The following WDR82 variants were observed in gnomAD, a reference collection of about 807,000 sequenced individuals.
The protein encoded by WDR82 is WD repeat domain 82, also known as WD repeat-containing protein 82.
A neutral mutation model predicts 36.1 loss-of-function variants in WDR82; 8 were observed. That is an observed-to-expected ratio of 0.22 (90% confidence interval 0.13 to 0.40). The LOEUF (loss-of-function observed/expected upper bound fraction) is 0.40. Ranked by LOEUF, WDR82 falls within the 10% of genes least tolerant of loss-of-function variation. The pLI, the probability that WDR82 is intolerant of heterozygous loss-of-function variation, is 1.00. For missense variants in WDR82, 185 were observed against 400.5 expected (o/e 0.46, Z 4.59); for synonymous variants, 129 against 137.8 (o/e 0.94, Z 0.45).
rs1272321658 is a variant in WDR82 at position 52,278,399 on chromosome 3, G to C, written c.-38C>G. On this transcript the variant is annotated 5_prime_UTR_variant, in exon 1 of 9. Coordinates refer to ENST00000296490, the MANE Select transcript of WDR82 (RefSeq NM_025222.4). ...GGAAGGCAGCGGCGGCGCAGGGCCG[G>C]GGCGGGGCCCGGCGGCGAGCGGGCG... 1.7e-5 allele frequency: 22 copies of C among 1,333,336 alleles called. No individual in the cohort carries two copies. Among genetic ancestry groups the C allele is most frequent in the Non-Finnish European group, 2.1e-5 (22 of 1,036,736 alleles). The allele number at this position is 1,333,336 out of a possible 1,614,324, so 82.6% of individuals were successfully genotyped here.
intron 1 of WDR82, among the ~76,000 whole-genome samples, chr3:52,277,708 G>A (rs1313792960): frequency 1.3e-5 from 2 of 152,252 alleles, no homozygotes; most frequent in African/African-American, 4.8e-5. Flanking sequence ...AAAGGCCGCG[G>A]GAAGCTGAGG....
Position 52,259,776 on chromosome 3 carries a change from T to G in WDR82, c.640A>C (p.Asn214His), listed in dbSNP as rs752298561. Reference protein sequence around the residue: ...NDGKLILISTNGSFIRLIDAF... With the variant: ...NDGKLILISTHGSFIRLIDAF... The stretch of plus-strand genomic sequence containing the variant: ...TCAATCAGACGAATGAAGCTGCCGT[T>G]GGTGGAAATGAGGATGAGCTTGCCA... Residue 214 changes from asparagine (N) to histidine (H), a missense_variant, in exon 6 of 9, where the codon AAC (asparagine) becomes CAC (histidine). Physicochemically the swap from Asn to His is moderately conservative, Grantham distance 68. This residue lies in a region of WDR82 where 110 missense variants were observed against 212.6 expected (regional missense o/e 0.52). Coordinates refer to ENST00000296490, the MANE Select transcript of WDR82 (RefSeq NM_025222.4). 6.2e-6 allele frequency: 10 copies of G among 1,614,162 alleles called. No individual in the cohort carries two copies. The highest frequency in any genetic ancestry group is 8.5e-6 in the Non-Finnish European group (10 of 1,180,002).
In WDR82 at chr3:52,257,337, T is replaced by C. The variant is rs2107328750; in HGVS notation, c.*153A>G. 1.0e-6 allele frequency: 1 copy of C among 998,998 alleles called. No individual in the cohort carries two copies. Among genetic ancestry groups the C allele is most frequent in the East Asian group, 2.5e-5 (1 of 40,212 alleles). 61.9% of individuals were successfully genotyped at this position (998,998 alleles called of 1,614,324 possible). A position where few individuals can be genotyped will look rare whatever the true frequency, so the allele number is the denominator to read the frequency against. On this transcript the variant is annotated 3_prime_UTR_variant, in exon 9 of 9. Transcript: ENST00000296490. ...GCTCATCAAAGTAATTATTTTCTTT[T>C]GAGCAGATGTACAGCACATCCATGG...
At chr3:52,276,266 T>C (rs905336051) in intron 1 of WDR82, among the ~76,000 whole-genome samples, 12 of 152,072 alleles carry the variant, frequency 7.9e-5, no homozygotes, top group Non-Finnish European at 1.3e-4. Context: ...AAACCCCATC[T>C]CTACTAAAAA....
In WDR82 at chr3:52,275,664, T is replaced by A. The variant is rs149384376; in HGVS notation, c.161+2537A>T. ...ACTTTGGGAGGCTGAGGCGGGTAGA[T>A]CACGAGATCAGGAGTTCAAGACCAG... is the stretch of plus-strand genomic sequence containing the variant. On this transcript the variant is annotated intron_variant, in intron 1 of 8. Coordinates refer to ENST00000296490, the MANE Select transcript of WDR82 (RefSeq NM_025222.4). Among the ~76,000 whole-genome samples the A allele has an allele frequency of 2.1e-3, 314 of 152,254 alleles. 2 individuals are homozygous for A. Among genetic ancestry groups the A allele is most frequent in the Non-Finnish European group, 4.0e-3 (271 of 68,016 alleles).
chr3:52,275,584 T>C (rs1208522552), intron 1 of WDR82, among the ~76,000 whole-genome samples: 1 of 152,048 alleles, frequency 6.6e-6, no homozygotes, highest in African/African-American at 2.4e-5. Context: ...AATGTCTTTG[T>C]GCTTAGAAAA....
chr3:52,263,762 G>T (rs1700081272), intron 3 of WDR82, among the ~76,000 whole-genome samples: 1 of 152,228 alleles, frequency 6.6e-6, no homozygotes, highest in Non-Finnish European at 1.5e-5. Context: ...ATATGAGGAA[G>T]ACAGAGAGAA....
intron 1 of WDR82, 51 bp downstream of exon 1, chr3:52,278,150 C>A: frequency 1.3e-6 from 2 of 1,510,644 alleles, no homozygotes; most frequent in Non-Finnish European, 8.9e-7. Flanking sequence ...CTGTGCTGGG[C>A]CACCGGAGGG....
chr3:52,263,257 C>T (rs1700076995), intron 3 of WDR82, among the ~76,000 whole-genome samples: 1 of 152,140 alleles, frequency 6.6e-6, no homozygotes, highest in African/African-American at 2.4e-5. Flanking sequence ...AGTAAGACCC[C>T]GACCGTAAGG....
chr3:52,272,326 C>T (rs1170364233), intron 1 of WDR82, among the ~76,000 whole-genome samples: 2 of 151,936 alleles, frequency 1.3e-5, no homozygotes, highest in African/African-American at 4.8e-5. Context: ...GGTGGATTGC[C>T]TGAGGTCAGG....
chr3:52,276,628 A>G (rs1396520102), intron 1 of WDR82, among the ~76,000 whole-genome samples: 1 of 152,106 alleles, frequency 6.6e-6, no homozygotes. Context: ...AGCACTATAC[A>G]TTTCATGCAA....
At chr3:52,263,627 C>A (rs1700079885) in intron 3 of WDR82, among the ~76,000 whole-genome samples, 1 of 152,168 alleles carries the variant, frequency 6.6e-6, no homozygotes, top group Non-Finnish European at 1.5e-5. Flanking sequence ...AGGAAAGTGA[C>A]ACATGAGGTT....
In WDR82 at chr3:52,256,416, G is replaced by A. The variant is rs951393915; in HGVS notation, c.*1074C>T. The A allele has an allele frequency of 2.0e-5, 3 of 153,732 alleles. No individual in the cohort carries two copies. The highest frequency in any genetic ancestry group is 7.2e-5 in the African/African-American group (3 of 41,430). The allele number at this position is 153,732 out of a possible 1,614,324, so 9.5% of individuals were successfully genotyped here. On this transcript the variant is annotated 3_prime_UTR_variant, in exon 9 of 9. Coordinates refer to ENST00000296490, the MANE Select transcript of WDR82 (RefSeq NM_025222.4). Reference sequence around the variant, plus strand: ...ATTTAAATGAAGGTGCATACACTGTGCTAAAATACAAACAACAGAAATCAA... The same window carrying A: ...ATTTAAATGAAGGTGCATACACTGTACTAAAATACAAACAACAGAAATCAA...
Position 52,278,434 on chromosome 3 carries a change from G to A in WDR82, c.-73C>T, listed in dbSNP as rs1700227907. 3 of 1,185,378 alleles carry A rather than the reference G, an allele frequency of 2.5e-6. No homozygotes were observed. Among genetic ancestry groups the A allele is most frequent in the Admixed American group, 4.6e-5 (1 of 21,640 alleles). The allele number at this position is 1,185,378 out of a possible 1,614,324, so 73.4% of individuals were successfully genotyped here. On this transcript the variant is annotated 5_prime_UTR_variant, in exon 1 of 9. Coordinates refer to ENST00000296490, the MANE Select transcript of WDR82 (RefSeq NM_025222.4). ...CGGCGGCGAGCGGGCGGGCTGCCGAGGGGCCAACCCAGGCGGGGCGGGCGC... is the reference window on the plus strand; with the variant it reads ...CGGCGGCGAGCGGGCGGGCTGCCGAAGGGCCAACCCAGGCGGGGCGGGCGC...
At position 52,254,818 on chromosome 3, in the gene WDR82, T is replaced by C. The variant is rs1699989901; in HGVS notation, c.*2672A>G. ...CACCTGTAGCCCTGCTGAGCACGTC[T>C]GTGCAGCCCCAGCCCTCAGCATCTC... is the stretch of plus-strand genomic sequence containing the variant. On this transcript the variant is annotated 3_prime_UTR_variant, in exon 9 of 9. Transcript: ENST00000296490. The C allele has an allele frequency of 6.6e-6, 1 of 152,240 alleles. No homozygotes were observed. 9.4% of individuals were successfully genotyped at this position (152,240 alleles called of 1,614,324 possible). A position where few individuals can be genotyped will look rare whatever the true frequency, so the allele number is the denominator to read the frequency against.
rs774750819 is a variant in WDR82 at position 52,267,072 on chromosome 3, C to A, written c.260-54G>T. Reference sequence around the variant, plus strand: ...TATCATACTATTTAAAAGAAATTTACTTTACATTTTCATCTTAAAAAGACA... The same window carrying A: ...TATCATACTATTTAAAAGAAATTTAATTTACATTTTCATCTTAAAAAGACA... On this transcript the variant is annotated intron_variant, in intron 2 of 8. Coordinates refer to ENST00000296490, the MANE Select transcript of WDR82 (RefSeq NM_025222.4). The A allele has an allele frequency of 9.1e-6, 13 of 1,421,722 alleles. No individual in the cohort carries two copies. The Admixed American group carries it at 1.8e-4, about 20-fold the overall frequency. The allele number at this position is 1,421,722 out of a possible 1,614,324, so 88.1% of individuals were successfully genotyped here.
Position 52,257,478 on chromosome 3 carries a change from G to C in WDR82, c.*12C>G, listed in dbSNP as rs750349441. 14 of 1,614,000 alleles carry C rather than the reference G, an allele frequency of 8.7e-6. No individual in the cohort carries two copies. Among genetic ancestry groups the C allele is most frequent in the Non-Finnish European group, 1.2e-5 (14 of 1,180,030 alleles). On this transcript the variant is annotated 3_prime_UTR_variant, in exon 9 of 9. Transcript: ENST00000296490. Reference sequence around the variant, plus strand: ...GCCCTCACTATACAGAAATAGCCAAGCAGCAACAGGGTCAGTCATCAATGG... The same window carrying C: ...GCCCTCACTATACAGAAATAGCCAACCAGCAACAGGGTCAGTCATCAATGG...
At position 52,264,337 on chromosome 3, in the gene WDR82, G is replaced by A. The variant is rs547022677; in HGVS notation, c.326+2615C>T. ...TTATTTTAGAGTCAAAACAGAGGCTGAAAACTACAAGAACAGAACCGACAT... is the reference window on the plus strand; with the variant it reads ...TTATTTTAGAGTCAAAACAGAGGCTAAAAACTACAAGAACAGAACCGACAT... On this transcript the variant is annotated intron_variant, in intron 3 of 8. Transcript: ENST00000296490. Among the ~76,000 whole-genome samples the A allele has an allele frequency of 3.0e-3, 456 of 152,234 alleles. 1 individual carries two copies. Among genetic ancestry groups the A allele is most frequent in the Middle Eastern group, 0.017 (5 of 294 alleles).
At chr3:52,261,039 CG>C (rs1373718899) in intron 4 of WDR82, among the ~76,000 whole-genome samples, 2 of 152,160 alleles carry the variant, frequency 1.3e-5, no homozygotes, top group Non-Finnish European at 2.9e-5. Context: ...GCAGAAGAAT[CG>C]CTTGAACCCT....
Sources: gnomAD v4.1 joint callset for allele counts (sites outside exome capture counted in the v4.1 genomes callset) on GRCh38, gnomAD v4.1.1 for gene constraint, gnomAD v4.1.1 regional missense constraint, MANE v1.5 for transcripts, NCBI Gene and HGNC (gene_info 2026-07-23, HGNC 2026-07-21) for gene names.